Variants in VCL observed in about 807,000 individuals in gnomAD.
The protein encoded by VCL is vinculin, also known as epididymis luminal protein 114.
VCL carries 47 observed loss-of-function variants against 125.7 expected under a neutral mutation model. The observed-to-expected ratio is 0.37, with a 90% CI of 0.30 to 0.48. The LOEUF is 0.48. Among genes scored for constraint, VCL ranks in the 20% least tolerant of loss-of-function variants. The pLI is 0.99. For missense variants in VCL, 1,069 were observed against 1,455.5 expected (o/e 0.73, Z 4.32); for synonymous variants, 458 against 514.6 (o/e 0.89, Z 1.49).
downstream of VCL, chr10:74,120,408 AAGC>A (rs1840401331): frequency 6.6e-6 from 1 of 152,274 alleles, no homozygotes; most frequent in Admixed American, 6.5e-5. Flanking sequence ...AACAGGCAGA[AAGC>A]AGCTGGATGA....
Position 73,998,349 on chromosome 10 carries a change from C to G in VCL, c.142C>G (p.Gln48Glu), listed in dbSNP as rs1431682297. 1.9e-6 allele frequency: 3 copies of G among 1,548,392 alleles called. No individual in the cohort carries two copies. The highest frequency in any genetic ancestry group is 8.7e-7 in the Non-Finnish European group (1 of 1,145,390). Residue 48 changes from glutamine (Q) to glutamate (E), a missense_variant, in exon 1 of 22, where the codon CAG becomes GAG. Gln to Glu is a conservative substitution (Grantham distance 29). This residue lies in a region of VCL where 96 missense variants were observed against 137.6 expected (regional missense o/e 0.70). Coordinates refer to ENST00000211998, the MANE Select transcript of VCL (RefSeq NM_014000.3). ...CCTCACCGCGCCCGTGGCCGCCGTG[C>G]AGGCGGCCGTCAGCAACCTCGTCCG... ...PDLTAPVAAVQAAVSNLVRVG... is the reference protein window; with the variant it reads ...PDLTAPVAAVEAAVSNLVRVG...
chr10:74,002,508 C>A (rs757384963), intron 1 of VCL, among the ~76,000 whole-genome samples: 1 of 152,092 alleles, frequency 6.6e-6, no homozygotes, highest in East Asian at 1.9e-4. Flanking sequence ...ATTGGAGAAT[C>A]AGGGAAGGCT....
intron 1 of VCL, among the ~76,000 whole-genome samples, chr10:74,000,582 T>A (rs1455382746): frequency 2.0e-5 from 3 of 152,174 alleles, no homozygotes; most frequent in African/African-American, 7.2e-5. Context: ...GGCCAGCTAA[T>A]TTTTGTATTT....
chr10:74,094,246 A>G, intron 10 of VCL, 25 bp from the exon 11 acceptor site: 7 of 1,613,932 alleles, frequency 4.3e-6, no homozygotes, highest in Non-Finnish European at 5.9e-6. Context: ...TATGTGTGAC[A>G]GGATGGCTGT....
At chr10:74,105,393 G>A in intron 16 of VCL, 40 bp downstream of exon 16, 1 of 1,611,112 alleles carries the variant, frequency 6.2e-7, no homozygotes, top group South Asian at 1.1e-5. Flanking sequence ...TCCACTGAGA[G>A]GTTAACTCAG....
rs1591644610 is a variant in VCL, at chr10:74,002,998, A to AT, written c.168+4623_168+4624insT. On this transcript the variant is annotated intron_variant, in intron 1 of 21. Coordinates refer to ENST00000211998, the MANE Select transcript of VCL (RefSeq NM_014000.3). ...AGTCTGGTCACTGATATATATATAT[A>AT]AATATATATATAAAATTTGCAACTG... Among the ~76,000 whole-genome samples the AT allele has an allele frequency of 4.6e-5, 7 of 151,664 alleles. No individual in the cohort carries two copies. The East Asian group carries it at 1.4e-3, about 29-fold the overall frequency.
At chr10:74,060,430 A>G (rs533162125) in intron 2 of VCL, among the ~76,000 whole-genome samples, 1 of 152,196 alleles carries the variant, frequency 6.6e-6, no homozygotes, top group African/African-American at 2.4e-5. Context: ...AAGTGGGTGG[A>G]TCACTTGAGG....
chr10:74,094,124 G>C (rs1224512182), intron 10 of VCL, 147 bp from the exon 11 acceptor site: 2 of 886,140 alleles, frequency 2.3e-6, no homozygotes, highest in African/African-American at 3.4e-5. Context: ...TTATGTAAGG[G>C]CCAAATAAAT....
chr10:74,075,874 A>G (rs999282828), intron 6 of VCL: 7 of 152,668 alleles, frequency 4.6e-5, no homozygotes, highest in African/African-American at 1.7e-4. Flanking sequence ...ATTTAATTAT[A>G]TAGAGTAAGT....
intron 6 of VCL, chr10:74,077,787 G>C (rs757561817): frequency 2.2e-6 from 1 of 451,782 alleles, no homozygotes; most frequent in African/African-American, 2.0e-5. Context: ...GCGTCTTGCC[G>C]AATAAGTTAA....
chr10:74,036,407 T>C (rs916997608), intron 1 of VCL, among the ~76,000 whole-genome samples: 1 of 152,144 alleles, frequency 6.6e-6, no homozygotes, highest in African/African-American at 2.4e-5. Flanking sequence ...TTCACCATGT[T>C]GGCCAGTCTG....
chr10:74,046,631 C>T (rs1385325529), intron 2 of VCL, among the ~76,000 whole-genome samples: 3 of 152,220 alleles, frequency 2.0e-5, no homozygotes, highest in Non-Finnish European at 4.4e-5. Context: ...AAAAACATAG[C>T]TCTAGCTTGT....
At chr10:74,062,399 T>G (rs1245341287) in intron 2 of VCL, among the ~76,000 whole-genome samples, 2 of 126,700 alleles carry the variant, frequency 1.6e-5, no homozygotes, top group African/African-American at 3.1e-5. Flanking sequence ...AGAGATGGAG[T>G]CTTGCTATAT....
At chr10:74,090,227 TC>T (rs758603149) in intron 10 of VCL, 29 bp downstream of exon 10, 2 of 1,611,886 alleles carry the variant, frequency 1.2e-6, no homozygotes, top group African/African-American at 2.7e-5. Context: ...CATTGCCTTT[TC>T]ATATCTTTTC....
chr10:74,036,894 C>T (rs1419252367), intron 1 of VCL, among the ~76,000 whole-genome samples: 1 of 151,258 alleles, frequency 6.6e-6, no homozygotes, highest in Non-Finnish European at 1.5e-5. Context: ...CTTGTTTGTT[C>T]TACTTTTTTT....
Position 74,072,794 on chromosome 10 carries a change from A to G in VCL, c.564A>G (p.Arg188=). The G allele has an allele frequency of 6.2e-7, 1 of 1,614,122 alleles. No homozygotes were observed. The highest frequency in any genetic ancestry group is 8.5e-7 in the Non-Finnish European group (1 of 1,180,014). The stretch of plus-strand genomic sequence containing the variant: ...AGGAGCTCACTCACCAGGAGCACCG[A>G]GTGATGTTGGTGAACTCGATGAACA... ...RQQELTHQEH[R]VMLVNSMNTV... is the part of the protein sequence containing the mutation. Residue 188 remains arginine (R), a synonymous_variant, in exon 5 of 22, where the codon CGA becomes CGG. Coordinates refer to ENST00000211998, the MANE Select transcript of VCL (RefSeq NM_014000.3).
At chr10:74,004,790 C>T (rs1346870002) in intron 1 of VCL, among the ~76,000 whole-genome samples, 6 of 151,496 alleles carry the variant, frequency 4.0e-5, no homozygotes, top group South Asian at 2.1e-4. Context: ...CCGCAACCTC[C>T]GCCTCCTGGG....
chr10:74,068,629 T>C (rs183194009), intron 2 of VCL, among the ~76,000 whole-genome samples: 60 of 152,296 alleles, frequency 3.9e-4, no homozygotes, highest in African/African-American at 1.4e-3. Context: ...GCGGCCCTCT[T>C]TATGTACTTT....
chr10:74,115,044 A>G (rs963404489), intron 21 of VCL, 145 bp downstream of exon 21: 12 of 876,140 alleles, frequency 1.4e-5, no homozygotes, highest in Non-Finnish European at 2.0e-5. Flanking sequence ...TCAGGAGGGG[A>G]AAGTCTGTGT....
Sources: allele counts gnomAD v4.1 joint callset (sites outside exome capture counted in the v4.1 genomes callset), GRCh38; gene constraint gnomAD v4.1.1; regional missense constraint gnomAD v4.1.1; transcripts MANE v1.5; gene names NCBI Gene and HGNC (gene_info 2026-07-23, HGNC 2026-07-21).